Variants in EPB41L3 observed in about 807,000 individuals in gnomAD.
The protein encoded by EPB41L3 is erythrocyte membrane protein band 4.1 like 3, also known as band 4.1-like protein 3.
EPB41L3 carries 57 observed loss-of-function variants against 127.1 expected under a neutral mutation model. That is an observed-to-expected ratio of 0.45 (90% confidence interval 0.36 to 0.56). EPB41L3 has a LOEUF of 0.56. Among genes scored for constraint, EPB41L3 ranks in the 20% least tolerant of loss-of-function variants. The pLI is 0.00. For synonymous variants in EPB41L3, 572 were observed against 549.5 expected, an observed-to-expected ratio of 1.04 and a Z score of -0.57; for missense variants, 1,273 against 1,372.2, an observed-to-expected ratio of 0.93 and a Z score of 1.14.
chr18:5,614,576 C>G (rs865919046), intron 1 of EPB41L3, among the ~76,000 whole-genome samples: 2 of 152,156 alleles, frequency 1.3e-5, no homozygotes, highest in Non-Finnish European at 1.5e-5. Flanking sequence ...TAGAAATCCT[C>G]TTTGTGCTCC....
intron 1 of EPB41L3, among the ~76,000 whole-genome samples, chr18:5,625,801 G>A (rs866260883): frequency 4.1e-4 from 62 of 152,126 alleles, no homozygotes; most frequent in African/African-American, 1.4e-3. Flanking sequence ...TGAGGATTTG[G>A]TGGCTCAGAG....
rs148462024 is a variant in EPB41L3 at position 5,420,954 on chromosome 18, T to C, written c.1340-1077A>G. On this transcript the variant is annotated intron_variant, in intron 11 of 22. Transcript: ENST00000341928. ...AGACATTTTATATCTCTTTACACCG[T>C]TGAAAAAGCTCATATGAGACACAAC... Among the ~76,000 whole-genome samples the C allele has an allele frequency of 9.2e-5, 14 of 152,322 alleles. No individual in the cohort carries two copies. In the East Asian group the frequency reaches 1.7e-3, roughly 19 times the overall value.
chr18:5,395,751 C>T (rs200212387), intron 19 of EPB41L3, 44 bp from the exon 20 acceptor site: 1 of 1,495,196 alleles, frequency 6.7e-7, no homozygotes, highest in Non-Finnish European at 9.3e-7. Flanking sequence ...GTGCTCACAT[C>T]TGCTCTTCAG....
At chr18:5,592,872 C>T (rs2094498653) in intron 3 of EPB41L3, among the ~76,000 whole-genome samples, 1 of 152,206 alleles carries the variant, frequency 6.6e-6, no homozygotes, top group African/African-American at 2.4e-5. Context: ...TTGTCGTAGT[C>T]TCTGGATGTC....
chr18:5,484,194 C>T (rs1482289689), intron 2 of EPB41L3, among the ~76,000 whole-genome samples: 1 of 146,332 alleles, frequency 6.8e-6, no homozygotes, highest in Non-Finnish European at 1.5e-5. Flanking sequence ...TAAGAGGAAC[C>T]TCAGAAAATA....
intron 3 of EPB41L3, among the ~76,000 whole-genome samples, chr18:5,573,465 A>G (rs2094304424): frequency 6.6e-6 from 1 of 152,230 alleles, no homozygotes. Context: ...AGGAAATGTA[A>G]CTATAAATAT....
chr18:5,497,586 G>A (rs960129312), intron 1 of EPB41L3, among the ~76,000 whole-genome samples: 1 of 152,200 alleles, frequency 6.6e-6, no homozygotes, highest in Non-Finnish European at 1.5e-5. Flanking sequence ...AAGGCAGGGA[G>A]ACTACCAACA....
intron 1 of EPB41L3, among the ~76,000 whole-genome samples, chr18:5,539,367 T>A (rs1440232824): frequency 6.6e-6 from 1 of 152,104 alleles, no homozygotes; most frequent in Non-Finnish European, 1.5e-5. Context: ...GTACTGCAAA[T>A]TACAAAAGAA....
In EPB41L3 at chr18:5,416,156, G is replaced by A. The variant is rs762178251; in HGVS notation, c.1729C>T (p.Gln577Ter). 2.5e-6 allele frequency: 4 copies of A among 1,613,940 alleles called. No homozygotes were observed. The highest frequency in any genetic ancestry group is 2.7e-5 in the African/African-American group (2 of 74,930). ...AGGGTGGTCCCCTTGCCAGTTTGCT[G>A]TCTGTAGCTAAAAGCCACATCTTGA... ...GDQDVAFSYR[Q>*]QTGKGTTLFS... Residue 577 changes from glutamine (Q) to a stop codon, truncating the protein, a stop_gained, in exon 13 of 23, where the codon CAG becomes TAG. Coordinates refer to ENST00000341928, the MANE Select transcript of EPB41L3 (RefSeq NM_012307.5). LOFTEE classifies it high-confidence loss of function.
rs974749241 is a variant in EPB41L3 at position 5,478,094 on chromosome 18, G to T, written c.381+147C>A. The T allele has an allele frequency of 4.8e-6, 3 of 626,212 alleles. No individual in the cohort carries two copies. In the African/African-American group the frequency reaches 5.5e-5, roughly 12 times the overall value. 38.8% of individuals were successfully genotyped at this position (626,212 alleles called of 1,614,324 possible). On this transcript the variant is annotated intron_variant, in intron 3 of 22. Transcript: ENST00000341928. ...ATTTTTAATCTGATCCCCTGTTACA[G>T]ACTAGGGAAATAATTTTATATTTAG...
intron 1 of EPB41L3, among the ~76,000 whole-genome samples, chr18:5,498,463 G>A (rs776693529): frequency 6.6e-6 from 1 of 151,782 alleles, no homozygotes; most frequent in Non-Finnish European, 1.5e-5. Flanking sequence ...GTGTGGTCAC[G>A]GGCACCTGTA....
intron 3 of EPB41L3, among the ~76,000 whole-genome samples, chr18:5,462,429 T>C (rs1386329787): frequency 1.3e-5 from 2 of 152,202 alleles, no homozygotes; most frequent in African/African-American, 2.4e-5. Flanking sequence ...TATGCAACCT[T>C]CCACTTCCTG....
chr18:5,569,947 A>G (rs2094255765), intron 3 of EPB41L3, among the ~76,000 whole-genome samples: 1 of 152,178 alleles, frequency 6.6e-6, no homozygotes, highest in Non-Finnish European at 1.5e-5. Context: ...GTTTTCTAAA[A>G]TGCACACTTC....
At chr18:5,501,406 T>C (rs1345430138) in intron 1 of EPB41L3, among the ~76,000 whole-genome samples, 2 of 152,194 alleles carry the variant, frequency 1.3e-5, no homozygotes, top group Admixed American at 1.3e-4. Context: ...CTAAAGCCCC[T>C]TGGCTGTTTT....
intron 3 of EPB41L3, among the ~76,000 whole-genome samples, chr18:5,563,133 G>A (rs1022420747): frequency 2.0e-5 from 3 of 152,208 alleles, no homozygotes; most frequent in Non-Finnish European, 2.9e-5. Flanking sequence ...GGATCAAATG[G>A]ATTAGAAAAG....
Position 5,608,317 on chromosome 18 carries a change from TTA to T in EPB41L3, c.-306+4021_-306+4022del, listed in dbSNP as rs1343114519. On this transcript the variant is annotated intron_variant, in intron 3 of 21. Transcript: ENST00000545076. ...CCCTTACTGACCAAACCAGTAGGCA[TTA>T]TGCCATACAGCTAGCAACGTATACA... 9.2e-5 allele frequency among the ~76,000 whole-genome samples: 14 copies of T among 152,110 alleles called. No individual in the cohort carries two copies. In the East Asian group the frequency reaches 2.7e-3, roughly 29 times the overall value.
chr18:5,417,633 A>T (rs2076986900), intron 12 of EPB41L3, among the ~76,000 whole-genome samples: 1 of 152,086 alleles, frequency 6.6e-6, no homozygotes, highest in Non-Finnish European at 1.5e-5. Flanking sequence ...ACTTGGGGAG[A>T]AGTGGTAAAT....
At chr18:5,482,189 G>A (rs1485294495) in intron 2 of EPB41L3, among the ~76,000 whole-genome samples, 1 of 152,088 alleles carries the variant, frequency 6.6e-6, no homozygotes, top group Admixed American at 6.5e-5. Flanking sequence ...AAATCAAACA[G>A]AAATCTCAGA....
rs1012123253 is a variant in EPB41L3, at chr18:5,395,692, C to A, written c.2989G>T (p.Asp997Tyr). 6.2e-7 allele frequency: 1 copy of A among 1,614,178 alleles called. No homozygotes were observed. The highest frequency in any genetic ancestry group is 1.7e-5 in the Admixed American group (1 of 60,018). Residue 997 changes from aspartate to tyrosine, a missense_variant, in exon 20 of 23, where the codon GAT becomes TAT. Asp to Tyr is a radical substitution (Grantham distance 160). Transcript: ENST00000341928. ...YESSQVDPGT[D>Y]LEPGVLMSAQ... is the part of the protein sequence containing the mutation. ...CTCATCAGCACGCCTGGCTCCAGAT[C>A]TGTGCCTGGATCGACCTAAAGCAGC...
Sources: allele counts gnomAD v4.1 joint callset (sites outside exome capture counted in the v4.1 genomes callset), GRCh38; gene constraint gnomAD v4.1.1; transcripts MANE v1.5; gene names NCBI Gene and HGNC (gene_info 2026-07-23, HGNC 2026-07-21).